The following L3MBTL1 variants were observed in gnomAD, a reference collection of about 807,000 sequenced individuals.
L3MBTL1 encodes L3MBTL histone methyl-lysine binding protein 1.
A neutral mutation model predicts 105.3 loss-of-function variants in L3MBTL1; 75 were observed. That is an observed-to-expected ratio of 0.71 (90% CI 0.59 to 0.86). The LOEUF is 0.86. L3MBTL1 is among the 40% of genes least tolerant of loss of function. L3MBTL1 has a pLI of 0.00. For missense variants in L3MBTL1, 1,069 were observed against 1,126.4 expected (o/e 0.95, Z 0.73); for synonymous variants, 452 against 436.2 (o/e 1.04, Z -0.45).
At chr20:43,543,930 A>G (rs1038032835), downstream of L3MBTL1, among the ~76,000 whole-genome samples, 3 of 152,274 alleles carry the variant, frequency 2.0e-5, no homozygotes, top group African/African-American at 7.2e-5. Context: ...CTGGCCTTGT[A>G]TAAGGTGATG....
intron 8 of L3MBTL1, chr20:43,528,974 T>G (rs1468823398): frequency 1.6e-4 from 99 of 603,240 alleles, no homozygotes; most frequent in South Asian, 1.3e-3. Flanking sequence ...TCACTGGGCC[T>G]GCAGACTTTT....
Position 43,534,024 on chromosome 20 carries a change from T to C in L3MBTL1, c.1530T>C (p.Asp510=). ...LTPPQDYPDP[D]NFCWEKYLEE... ...CTCCTCCAGACTACCCAGACCCTGA[T>C]AACTTCTGTTGGGAGAAATATCTGG... Residue 510 remains aspartate, a synonymous_variant, in exon 14 of 22, where the codon GAT becomes GAC. Transcript: ENST00000418998. The C allele has an allele frequency of 1.2e-6, 2 of 1,614,044 alleles. No homozygotes were observed. The highest frequency in any genetic ancestry group is 2.2e-5 in the South Asian group (2 of 91,084).
intron 16 of L3MBTL1, among the ~76,000 whole-genome samples, chr20:43,535,326 G>C (rs1442918563): frequency 2.0e-5 from 3 of 152,206 alleles, no homozygotes; most frequent in Admixed American, 1.3e-4. Flanking sequence ...GCAGGGGTTA[G>C]AGTTCAGGTC....
chr20:43,510,076 GCTGGTTTTGAACTC>G (rs1242665511), intron 1 of L3MBTL1, among the ~76,000 whole-genome samples: 2 of 152,138 alleles, frequency 1.3e-5, no homozygotes, highest in Non-Finnish European at 2.9e-5. Flanking sequence ...TGTTGTCCAG[GCTGGTTTTGAACTC>G]CTGGCCTCAA....
chr20:43,508,850 G>A (rs912920580), intron 1 of L3MBTL1, among the ~76,000 whole-genome samples: 3 of 152,240 alleles, frequency 2.0e-5, no homozygotes, highest in African/African-American at 7.2e-5. Flanking sequence ...CTCTGGAACT[G>A]AGATGGCCCT....
In L3MBTL1 at chr20:43,540,806, C is replaced by G. The variant is rs2019874972; in HGVS notation, c.2385C>G (p.Phe795Leu). 6.2e-7 allele frequency: 1 copy of G among 1,614,164 alleles called. No homozygotes were observed. The highest frequency in any genetic ancestry group is 1.3e-5 in the African/African-American group (1 of 75,046). ...LTGCEDQARL[F>L]KDEARIVRVT... ...GTTGTGAGGACCAAGCACGCCTCTT[C>G]AAAGACGAGGTAAGGTGCAAGTGCA... Residue 795 changes from phenylalanine to leucine, a missense_variant, in exon 21 of 22, where the codon TTC (phenylalanine) becomes TTG (leucine). Coordinates refer to ENST00000418998, the MANE Select transcript of L3MBTL1 (RefSeq NM_001377303.1).
rs562382937 is a variant in L3MBTL1 at position 43,515,088 on chromosome 20, C to T, written c.582C>T (p.Cys194=). Residue 194 remains cysteine, a synonymous_variant, in exon 5 of 22, where the codon TGC becomes TGT. Transcript: ENST00000418998. ...EDDSTCQCQA[C]GPHQAAGPDL... is the part of the protein sequence containing the mutation. ...ATAGCACCTGTCAGTGCCAGGCGTG[C>T]GGGCCTCACCAAGCCGCGGGTCCAG... 8 of 1,614,138 alleles carry T rather than the reference C, an allele frequency of 5.0e-6. No individual in the cohort carries two copies. Among genetic ancestry groups the T allele is most frequent in the South Asian group, 2.2e-5 (2 of 91,088 alleles).
rs1230751390 is a variant in L3MBTL1, at chr20:43,534,103, T to C, written c.1599+10T>C. The C allele has an allele frequency of 1.2e-6, 2 of 1,609,614 alleles. No homozygotes were observed. The highest frequency in any genetic ancestry group is 1.3e-5 in the African/African-American group (1 of 74,838). The stretch of plus-strand genomic sequence containing the variant: ...CTGGGCCTTCAAGGTGGTGAGTCAG[T>C]GCTCCCTGACCCCAGAGCTGAGCTC... On this transcript the variant is annotated intron_variant, in intron 14 of 21. Coordinates refer to ENST00000418998, the MANE Select transcript of L3MBTL1 (RefSeq NM_001377303.1).
rs769435042 is a variant in L3MBTL1 at position 43,514,507 on chromosome 20, G to A, written c.361-128G>A. On this transcript the variant is annotated intron_variant, in intron 3 of 21. Coordinates refer to ENST00000418998, the MANE Select transcript of L3MBTL1 (RefSeq NM_001377303.1). ...GTGTAGCTTGGAGTGAGGCCCCCTG[G>A]CGTGGAGTCTTGAGGCCTGCTGAGG... is the stretch of plus-strand genomic sequence containing the variant. 1.9e-6 allele frequency: 3 copies of A among 1,547,912 alleles called. No homozygotes were observed. In the South Asian group the frequency reaches 3.6e-5, roughly 18 times the overall value.
At position 43,540,968 on chromosome 20, in the gene L3MBTL1, A is replaced by T. The variant is rs1384035615; in HGVS notation, c.2429A>T (p.Lys810Met). The change falls in exon 22 of 22, where the codon AAG becomes ATG. Residue 810 changes from lysine to methionine, a missense_variant. Transcript: ENST00000418998. ...GTCAGAGTGACCCATGTATCTGGGAAGACTCTAGTCTGGACTGTGGCCCAG... is the reference window on the plus strand; with the variant it reads ...GTCAGAGTGACCCATGTATCTGGGATGACTCTAGTCTGGACTGTGGCCCAG... ...RIVRVTHVSG[K>M]TLVWTVAQLG... 3.1e-6 allele frequency: 5 copies of T among 1,614,172 alleles called. No individual in the cohort carries two copies. Among genetic ancestry groups the T allele is most frequent in the Non-Finnish European group, 4.2e-6 (5 of 1,180,008 alleles).
At chr20:43,515,462 C>T in intron 6 of L3MBTL1, 47 bp downstream of exon 6, 3 of 1,531,660 alleles carry the variant, frequency 2.0e-6, no homozygotes, top group Non-Finnish European at 2.7e-6. Context: ...ATAGCCTATG[C>T]CTCAATTCCC....
rs1298648272 is a variant in L3MBTL1, at chr20:43,530,805, G to A, written c.1200G>A (p.Lys400=). 1 of 1,613,900 alleles carries A rather than the reference G, an allele frequency of 6.2e-7. No individual in the cohort carries two copies. Among genetic ancestry groups the A allele is most frequent in the Non-Finnish European group, 8.5e-7 (1 of 1,179,962 alleles). The change falls in exon 11 of 22, where the codon AAG becomes AAA. Residue 400 remains lysine, a synonymous_variant. Transcript: ENST00000418998. Reference sequence around the variant, plus strand: ...GCCCCTCGAGGGGCCTAGGTTACAAGGAGGAGGAGTTCAGCTGGAGCCAGT... The same window carrying A: ...GCCCCTCGAGGGGCCTAGGTTACAAAGAGGAGGAGTTCAGCTGGAGCCAGT... ...GHKLQPPKGY[K]EEEFSWSQYL...
intron 16 of L3MBTL1, among the ~76,000 whole-genome samples, chr20:43,535,473 CA>C (rs1217971930): frequency 6.6e-6 from 1 of 152,098 alleles, no homozygotes; most frequent in Non-Finnish European, 1.5e-5. Context: ...AAAAAGTTAC[CA>C]AAGTCTTGGG....
At chr20:43,510,781 G>A (rs2018115541) in intron 1 of L3MBTL1, among the ~76,000 whole-genome samples, 1 of 151,528 alleles carries the variant, frequency 6.6e-6, no homozygotes, top group Non-Finnish European at 1.5e-5. Flanking sequence ...ACAGTGGTGA[G>A]ATCATGGCTC....
At position 43,520,613 on chromosome 20, in the gene L3MBTL1, T is replaced by A. The variant is rs151277268; in HGVS notation, c.862+4436T>A. ...CTAGAGGTTATCAAGTGGTATCTCATTGTGGTTTTGATTTGCATTTCCCTG... is the reference window on the plus strand; with the variant it reads ...CTAGAGGTTATCAAGTGGTATCTCAATGTGGTTTTGATTTGCATTTCCCTG... On this transcript the variant is annotated intron_variant, in intron 7 of 21. Coordinates refer to ENST00000418998, the MANE Select transcript of L3MBTL1 (RefSeq NM_001377303.1). Among the ~76,000 whole-genome samples the A allele has an allele frequency of 1.6e-3, 250 of 152,364 alleles. 2 individuals carry two copies. Among genetic ancestry groups the A allele is most frequent in the African/African-American group, 5.5e-3 (230 of 41,586 alleles).
Position 43,541,724 on chromosome 20 carries a change from C to A in L3MBTL1, c.*596C>A. 5.4e-6 allele frequency: 4 copies of A among 746,250 alleles called. No homozygotes were observed. Among genetic ancestry groups the A allele is most frequent in the Non-Finnish European group, 3.3e-6 (2 of 610,740 alleles). 46.2% of individuals were successfully genotyped at this position (746,250 alleles called of 1,614,324 possible). On this transcript the variant is annotated 3_prime_UTR_variant, in exon 22 of 22. Coordinates refer to ENST00000418998, the MANE Select transcript of L3MBTL1 (RefSeq NM_001377303.1). ...TATGTTCCACTATAATCTTATGGGACCATGGTTTTAAATGTGGAATCATTG... is the reference window on the plus strand; with the variant it reads ...TATGTTCCACTATAATCTTATGGGAACATGGTTTTAAATGTGGAATCATTG...
At chr20:43,547,350 C>T (rs746394482) in intron 18 of L3MBTL1, among the ~76,000 whole-genome samples, 182 of 152,210 alleles carry the variant, frequency 1.2e-3, no homozygotes, top group Non-Finnish European at 2.0e-3. Flanking sequence ...ATGATCCGCC[C>T]GCCTCTGCCT....
At chr20:43,522,095 G>A (rs922260569) in intron 7 of L3MBTL1, among the ~76,000 whole-genome samples, 10 of 152,162 alleles carry the variant, frequency 6.6e-5, no homozygotes, top group African/African-American at 2.4e-4. Context: ...AGTGGCTCAC[G>A]CCTATAATCC....
At chr20:43,515,914 T>C (rs2018362961) in intron 6 of L3MBTL1, 179 bp from the exon 7 acceptor site, 2 of 590,554 alleles carry the variant, frequency 3.4e-6, no homozygotes, top group Non-Finnish European at 6.1e-6. Context: ...GAGTCTGTGC[T>C]CAAGTGATAG....
Sources: allele counts gnomAD v4.1 joint callset (sites outside exome capture counted in the v4.1 genomes callset), GRCh38; gene constraint gnomAD v4.1.1; transcripts MANE v1.5; gene names NCBI Gene and HGNC (gene_info 2026-07-23, HGNC 2026-07-21).